SMIM7: variants seen among roughly 807,000 people sequenced by gnomAD.
The protein encoded by SMIM7 is small integral membrane protein 7, also known as UPF0608 protein C19orf42.
In SMIM7, 12 loss-of-function variants were observed where a neutral mutation model predicts 13.3. The ratio of observed to expected loss-of-function variants is 0.90; its 90% CI spans 0.58 to 1.46. SMIM7 has a LOEUF of 1.46. Among genes scored for constraint, SMIM7 ranks in the 40% most tolerant of loss-of-function variants. The pLI, the probability that SMIM7 is intolerant of heterozygous loss-of-function variation, is 0.00. For missense variants in SMIM7, 114 were observed against 94.8 expected (o/e 1.20, Z -0.84); for synonymous variants, 36 against 35.8 (o/e 1.01, Z -0.02).
chr19:16,658,041 A>G (rs2086619373), intron 3 of SMIM7, among the ~76,000 whole-genome samples: 1 of 152,148 alleles, frequency 6.6e-6, no homozygotes, highest in Non-Finnish European at 1.5e-5. Context: ...TCTCTAAAAG[A>G]AGAAAACCTC....
At chr19:16,644,811 A>T (rs1372914014), downstream of SMIM7, 4 of 152,250 alleles carry the variant, frequency 2.6e-5, no homozygotes, top group Non-Finnish European at 5.9e-5. Flanking sequence ...GAAGACAGAA[A>T]ACACACACGG....
chr19:16,653,995 T>G (rs770393858), intron 4 of SMIM7, 40 bp downstream of exon 4: 1 of 1,562,332 alleles, frequency 6.4e-7, no homozygotes, highest in East Asian at 2.3e-5. Flanking sequence ...AGAAGGAGAC[T>G]AAGAGACGAC....
chr19:16,634,271 A>G lies in SMIM7; in HGVS notation c.*138-2547T>C, dbSNP rs1363790290. On this transcript the variant is annotated intron_variant and NMD_transcript_variant, in intron 4 of 4. Coordinates refer to the SMIM7 transcript ENST00000465250. ...TCAGGGTCCATGCTGGGGACTTCAC[A>G]TGAGGGCTCCATGAAGCCCCCTTGG... 3 of 152,172 alleles carry G rather than the reference A, an allele frequency of 2.0e-5. 1 individual carries two copies. The East Asian group carries it at 5.8e-4, about 29-fold the overall frequency. The allele number at this position is 152,172 out of a possible 1,614,324, so 9.4% of individuals were successfully genotyped here.
At chr19:16,653,167 C>T (rs62116925) in intron 4 of SMIM7, among the ~76,000 whole-genome samples, 15,647 of 152,202 alleles carry the variant, frequency 0.1, 1,073 homozygotes, top group African/African-American at 0.19. Flanking sequence ...GCAGAGGTGC[C>T]GGGCATAGCC....
At chr19:16,657,896 G>A (rs888477848) in intron 3 of SMIM7, among the ~76,000 whole-genome samples, 5 of 152,330 alleles carry the variant, frequency 3.3e-5, no homozygotes, top group South Asian at 2.1e-4. Flanking sequence ...TTAGCCAGGC[G>A]TGGTAGTAAG....
At chr19:16,647,376 T>C (rs2086462361) in intron 4 of SMIM7, 115 bp from the exon 5 acceptor site, 1 of 1,277,044 alleles carries the variant, frequency 7.8e-7, no homozygotes, top group South Asian at 1.3e-5. Flanking sequence ...TTTTACATGA[T>C]TGTCTGATTT....
intron 3 of SMIM7, among the ~76,000 whole-genome samples, chr19:16,657,747 T>C (rs1479265729): frequency 4.6e-5 from 7 of 152,158 alleles, no homozygotes; most frequent in Non-Finnish European, 8.8e-5. Flanking sequence ...AAATCTCAGC[T>C]CGGCCAGGCG....
intron 3 of SMIM7, among the ~76,000 whole-genome samples, chr19:16,657,811 G>C (rs111930626): frequency 6.6e-6 from 1 of 151,886 alleles, no homozygotes; most frequent in East Asian, 1.9e-4. Context: ...TGGGAGGATC[G>C]TTTGAGACCA....
chr19:16,652,990 AAAACAAT>A, intron 4 of SMIM7: 1 of 1,549,804 alleles, frequency 6.5e-7, no homozygotes, highest in Non-Finnish European at 8.7e-7. Context: ...GCCAGAATTT[AAAACAAT>A]AAAGTCTGAA....
At chr19:16,644,310 C>T (rs373621612), downstream of SMIM7, among the ~76,000 whole-genome samples, 31 of 151,346 alleles carry the variant, frequency 2.0e-4, no homozygotes, top group East Asian at 3.5e-3. Context: ...TTAGTAGAGA[C>T]GGGGTTTTGT....
intron 2 of SMIM7, 142 bp from the exon 3 acceptor site, chr19:16,659,589 A>C (rs1599380257): frequency 1.2e-6 from 1 of 813,782 alleles, no homozygotes; most frequent in Non-Finnish European, 2.0e-6. Context: ...GACGTTCAAT[A>C]CCCTTCTCTG....
chr19:16,651,350 A>T (rs2086522117), intron 4 of SMIM7, among the ~76,000 whole-genome samples: 1 of 152,194 alleles, frequency 6.6e-6, no homozygotes, highest in Admixed American at 6.5e-5. Context: ...AAGTTCATTC[A>T]CAAAAACAGG....
chr19:16,644,585 C>A (rs1473429708), downstream of SMIM7, among the ~76,000 whole-genome samples: 2 of 151,994 alleles, frequency 1.3e-5, no homozygotes, highest in African/African-American at 4.8e-5. Flanking sequence ...TTACAGGGGG[C>A]ATGCCACCAC....
chr19:16,655,680 C>CAAA (rs869256040), intron 3 of SMIM7, among the ~76,000 whole-genome samples: 832 of 38,340 alleles, frequency 0.022, 22 homozygotes, highest in Non-Finnish European at 0.031. Flanking sequence ...GACTCCATCT[C>CAAA]AAAAAAAAAA....
intron 4 of SMIM7, 150 bp from the exon 5 acceptor site, chr19:16,647,411 GTGAATATA>G (rs2086462851): frequency 1.2e-6 from 1 of 857,016 alleles, no homozygotes; most frequent in Non-Finnish European, 1.9e-6. Flanking sequence ...TGATCCACCT[GTGAATATA>G]ATTAACAATA....
At chr19:16,659,177 G>A in intron 3 of SMIM7, 1 of 611,032 alleles carries the variant, frequency 1.6e-6, no homozygotes, top group Non-Finnish European at 2.9e-6. Context: ...CAGCTACTAA[G>A]GGGGCTGAGG....
chr19:16,654,948 CAT>C (rs1187018919), intron 3 of SMIM7, among the ~76,000 whole-genome samples: 1 of 152,096 alleles, frequency 6.6e-6, no homozygotes, highest in Non-Finnish European at 1.5e-5. Context: ...GCTCTGGGGT[CAT>C]CTTTGCCAAC....
intron 3 of SMIM7, chr19:16,659,190 G>A: frequency 1.6e-6 from 1 of 635,820 alleles, no homozygotes; most frequent in South Asian, 1.7e-5. Flanking sequence ...GGCTGAGGTG[G>A]AAGGATCACT....
chr19:16,659,572 G>GCAA, intron 2 of SMIM7, 125 bp from the exon 3 acceptor site: 1 of 937,084 alleles, frequency 1.1e-6, no homozygotes, highest in South Asian at 1.5e-5. Context: ...CTTGCTGTGT[G>GCAA]ACCTCTGACG....
Sources: allele counts gnomAD v4.1 joint callset (sites outside exome capture counted in the v4.1 genomes callset), GRCh38; gene constraint gnomAD v4.1.1; transcripts MANE v1.5; gene names NCBI Gene and HGNC (gene_info 2026-07-23, HGNC 2026-07-21).